Variants in CEP192 observed in about 807,000 individuals in gnomAD.
The protein encoded by CEP192 is centrosomal protein of 192 kDa.
A neutral mutation model predicts 271.8 loss-of-function variants in CEP192; 151 were observed. That is an observed-to-expected ratio of 0.56 (90% CI 0.49 to 0.64). The LOEUF (loss-of-function observed/expected upper bound fraction) is 0.64, where lower values mean the gene tolerates loss of function less well. Ranked by LOEUF, CEP192 falls within the 30% of genes least tolerant of loss-of-function variation. The pLI, the probability that CEP192 is intolerant of heterozygous loss-of-function variation, is 0.00. For synonymous variants in CEP192, 995 were observed against 1,076.5 expected (o/e 0.92, Z 1.48); for missense variants, 2,910 against 3,020.5 (o/e 0.96, Z 0.86).
intron 37 of CEP192, 105 bp downstream of exon 37, chr18:13,099,686 G>C (rs184903277): frequency 8.3e-6 from 5 of 603,444 alleles, no homozygotes; most frequent in Non-Finnish European, 1.5e-5. Context: ...AAATGAAAGC[G>C]TACTTGACCC....
At chr18:13,034,796 G>A (rs1451198228) in intron 11 of CEP192, among the ~76,000 whole-genome samples, 2 of 148,130 alleles carry the variant, frequency 1.4e-5, no homozygotes, top group Non-Finnish European at 3.0e-5. Context: ...TCCAGACTAG[G>A]CGACAGAGCA....
rs767631447 is a variant in CEP192 at position 13,042,208 on chromosome 18, T to C, written c.1941T>C (p.Asp647=). 1.2e-6 allele frequency: 2 copies of C among 1,611,186 alleles called. No individual in the cohort carries two copies. The highest frequency in any genetic ancestry group is 2.7e-5 in the African/African-American group (2 of 74,832). The change falls in exon 15 of 45, where the codon GAT becomes GAC. Residue 647 remains aspartate (D), a synonymous_variant. Transcript: ENST00000506447. ...AATATTATATATTTCCTGCAGGAGATTTAAATGAACAGTCCCAGGCACAGC... is the reference window on the plus strand; with the variant it reads ...AATATTATATATTTCCTGCAGGAGACTTAAATGAACAGTCCCAGGCACAGC... ...AHLNHDLYSG[D]LNEQSQAQLS... is the part of the protein sequence containing the mutation.
At chr18:13,124,547 C>A in intron 44 of CEP192, 85 bp from the exon 45 acceptor site, 1 of 1,344,518 alleles carries the variant, frequency 7.4e-7, no homozygotes, top group Non-Finnish European at 9.9e-7. Flanking sequence ...CTTTCCTCAA[C>A]ACCTGAGCCA....
chr18:13,087,528 C>T lies in CEP192; in HGVS notation c.5878-3C>T, dbSNP rs1189459075. On this transcript the variant is annotated splice_polypyrimidine_tract_variant and splice_region_variant and intron_variant, in intron 31 of 44. Transcript: ENST00000506447. ...ACTCCTGATTTTTTTTTCTTGGCAT[C>T]AGAATGTTACTTTAATATATAATCC... 1 of 1,334,356 alleles carries T rather than the reference C, an allele frequency of 7.5e-7. No individual in the cohort carries two copies. 82.7% of individuals were successfully genotyped at this position (1,334,356 alleles called of 1,614,324 possible).
chr18:13,116,871 A>G (rs369110597), intron 43 of CEP192, among the ~76,000 whole-genome samples: 4 of 152,170 alleles, frequency 2.6e-5, no homozygotes, highest in South Asian at 4.2e-4. Context: ...GGCCTCCCAA[A>G]GTGCTGGGAT....
Position 13,056,640 on chromosome 18 carries a change from G to A in CEP192, c.4050G>A (p.Pro1350=), listed in dbSNP as rs746043522. 23 of 1,613,502 alleles carry A rather than the reference G, an allele frequency of 1.4e-5. No individual in the cohort carries two copies. The highest frequency in any genetic ancestry group is 8.3e-5 in the Admixed American group (5 of 59,980). The change falls in exon 19 of 45, where the codon CCG becomes CCA. Residue 1350 remains proline (P), a synonymous_variant. Coordinates refer to ENST00000506447, the MANE Select transcript of CEP192 (RefSeq NM_032142.4). The part of the protein sequence containing the change: ...LLSTTKPFPV[P]SVGTNCGIEP... The stretch of plus-strand genomic sequence containing the variant: ...GCACAACAAAACCTTTTCCTGTGCC[G>A]TCTGTTGGTACAAACTGTGGAATTG...
rs536007300 is a variant in CEP192 at position 13,048,808 on chromosome 18, G to A, written c.2068-51G>A. On this transcript the variant is annotated intron_variant, in intron 15 of 44. Coordinates refer to ENST00000506447, the MANE Select transcript of CEP192 (RefSeq NM_032142.4). ...CAATGATAATGGGGGACTAATGAAT[G>A]TTCATGAAACTGGGGTAAATTTATC... is the stretch of plus-strand genomic sequence containing the variant. The A allele has an allele frequency of 3.2e-6, 4 of 1,263,122 alleles. No homozygotes were observed. In the Admixed American group the frequency reaches 8.7e-5, roughly 27 times the overall value. The allele number at this position is 1,263,122 out of a possible 1,614,324, so 78.2% of individuals were successfully genotyped here. A position where few individuals can be genotyped will look rare whatever the true frequency, so the allele number is the denominator to read the frequency against.
intron 11 of CEP192, among the ~76,000 whole-genome samples, chr18:13,035,931 G>A (rs534411041): frequency 1.4e-4 from 21 of 152,232 alleles, no homozygotes; most frequent in Admixed American, 1.0e-3. Flanking sequence ...AATTGCTTGA[G>A]CCCAGGAGTT....
chr18:13,065,772 G>T (rs2037663566), intron 21 of CEP192, among the ~76,000 whole-genome samples: 1 of 152,144 alleles, frequency 6.6e-6, no homozygotes, highest in South Asian at 2.1e-4. Flanking sequence ...GGGCAAATAG[G>T]ACTCTTATAT....
Position 13,068,137 on chromosome 18 carries a change from T to A in CEP192, c.4658T>A (p.Val1553Asp), listed in dbSNP as rs574009447. 122 of 1,614,220 alleles carry A rather than the reference T, an allele frequency of 7.6e-5. 1 individual carries two copies. The highest frequency in any genetic ancestry group is 1.7e-6 in the Non-Finnish European group (2 of 1,180,000). Residue 1553 changes from valine to aspartate, a missense_variant, in exon 23 of 45, where the codon GTC becomes GAC. Transcript: ENST00000506447. ...WRCFTFSKES[V>D]RAPVEVAPCA... ...TGTTTCACGTTTTCCAAGGAATCCG[T>A]CCGAGCTCCTGTGGAAGTTGCTCCT...
intron 35 of CEP192, among the ~76,000 whole-genome samples, chr18:13,095,882 G>A (rs2039373885): frequency 6.6e-6 from 1 of 152,172 alleles, no homozygotes; most frequent in Admixed American, 6.5e-5. Context: ...ACTCCTCAAT[G>A]AGGCTCCCAG....
rs768725273 is a variant in CEP192 at position 13,104,975 on chromosome 18, G to C, written c.6952-9G>C. ...TGGTTTTTAATTTGTTTAAATGATT[G>C]CTTTGCAGGGAGTTGATGAAAGTGG... On this transcript the variant is annotated splice_polypyrimidine_tract_variant and intron_variant, in intron 39 of 44. Transcript: ENST00000506447. 3.1e-6 allele frequency: 5 copies of C among 1,598,126 alleles called. No homozygotes were observed. In the Admixed American group the frequency reaches 5.0e-5, roughly 16 times the overall value.
At chr18:13,035,409 C>T (rs1011013971) in intron 11 of CEP192, among the ~76,000 whole-genome samples, 2 of 152,038 alleles carry the variant, frequency 1.3e-5, no homozygotes, top group African/African-American at 2.4e-5. Context: ...TCTTACATGG[C>T]GGCAGCAAGA....
At chr18:13,102,786 C>G (rs1253348901) in intron 38 of CEP192, among the ~76,000 whole-genome samples, 1 of 152,184 alleles carries the variant, frequency 6.6e-6, no homozygotes. Flanking sequence ...CTGTGCCTTT[C>G]CTTCTCTCTG....
chr18:13,042,267 C>T lies in CEP192; in HGVS notation c.2000C>T (p.Ala667Val), dbSNP rs2036249234. 1 of 1,613,144 alleles carries T rather than the reference C, an allele frequency of 6.2e-7. No individual in the cohort carries two copies. The highest frequency in any genetic ancestry group is 1.7e-5 in the Admixed American group (1 of 60,012). ...GGATCAATTACACTTCAGGTTGAAG[C>T]AGTAGAGAGTACTTCACAAGTGGAT... The part of the protein sequence containing the change: ...SEGSITLQVE[A>V]VESTSQVDEN... Residue 667 changes from alanine (A) to valine (V), a missense_variant, in exon 15 of 45, where the codon GCA becomes GTA. Coordinates refer to ENST00000506447, the MANE Select transcript of CEP192 (RefSeq NM_032142.4).
rs374104882 is a variant in CEP192 at position 13,092,267 on chromosome 18, C to A, written c.6104-110C>A. 1.3e-5 allele frequency: 10 copies of A among 741,240 alleles called. No homozygotes were observed. In the African/African-American group the frequency reaches 1.5e-4, roughly 11 times the overall value. 45.9% of individuals were successfully genotyped at this position (741,240 alleles called of 1,614,324 possible). On this transcript the variant is annotated intron_variant, in intron 33 of 44. Coordinates refer to ENST00000506447, the MANE Select transcript of CEP192 (RefSeq NM_032142.4). ...ACTGCTAATCCAAATGTCACCTCCC[C>A]CAACCCAGGAAACTAATATTCTATA...
At chr18:13,039,441 G>C (rs990415488) in intron 13 of CEP192, among the ~76,000 whole-genome samples, 5 of 139,844 alleles carry the variant, frequency 3.6e-5, no homozygotes, top group Non-Finnish European at 6.1e-5. Context: ...GGGCAACAGA[G>C]CGAGACTCCA....
chr18:12,999,608 A>G lies in CEP192; in HGVS notation c.164+20A>G, dbSNP rs2145782208. ...TAACAGGTAAGATTTGTTTGAGCAGATTTTTTTCCAGGTCCATAAAGCCTA... is the reference window on the plus strand; with the variant it reads ...TAACAGGTAAGATTTGTTTGAGCAGGTTTTTTTCCAGGTCCATAAAGCCTA... On this transcript the variant is annotated intron_variant, in intron 2 of 44. Coordinates refer to ENST00000506447, the MANE Select transcript of CEP192 (RefSeq NM_032142.4). The G allele has an allele frequency of 5.3e-6, 8 of 1,503,676 alleles. No individual in the cohort carries two copies. Among genetic ancestry groups the G allele is most frequent in the Non-Finnish European group, 7.1e-6 (8 of 1,126,944 alleles). 93.1% of individuals were successfully genotyped at this position (1,503,676 alleles called of 1,614,324 possible). A position where few individuals can be genotyped will look rare whatever the true frequency, so the allele number is the denominator to read the frequency against.
chr18:13,072,232 A>C (rs2038051457), intron 28 of CEP192, among the ~76,000 whole-genome samples: 1 of 152,226 alleles, frequency 6.6e-6, no homozygotes, highest in African/African-American at 2.4e-5. Flanking sequence ...CCACAATTGA[A>C]GTGTTTTTAT....
Sources: gnomAD v4.1 joint callset for allele counts (sites outside exome capture counted in the v4.1 genomes callset) on GRCh38, gnomAD v4.1.1 for gene constraint, MANE v1.5 for transcripts, NCBI Gene and HGNC (gene_info 2026-07-23, HGNC 2026-07-21) for gene names.